The following UQCRC2 variants were observed in gnomAD, a reference collection of about 807,000 sequenced individuals.
UQCRC2 encodes ubiquinol-cytochrome c reductase core protein 2.
UQCRC2 carries 49 observed loss-of-function variants against 55.6 expected under a neutral mutation model. The ratio of observed to expected loss-of-function variants is 0.88; its 90% CI spans 0.70 to 1.12. The LOEUF is 1.12. Among genes scored for constraint, UQCRC2 ranks in the 50% most tolerant of loss-of-function variants. UQCRC2 has a pLI of 0.00. For synonymous variants in UQCRC2, 193 were observed against 192.0 expected (o/e 1.01, Z -0.04); for missense variants, 506 against 547.8 (o/e 0.92, Z 0.76).
In UQCRC2 at chr16:21,965,353, ATGT is replaced by A. The variant is rs1460505589; in HGVS notation, c.515-51_515-49del. 3.1e-5 allele frequency: 48 copies of A among 1,552,760 alleles called. No individual in the cohort carries two copies. The East Asian group carries it at 1.1e-3, about 34-fold the overall frequency. ...GCTTGTTGCTTTCTAGGTTTTAAAA[ATGT>A]TGTCTTTACTGAAAGTGCATTTCCC... On this transcript the variant is annotated intron_variant, in intron 6 of 13. Transcript: ENST00000268379.
intron 4 of UQCRC2, chr16:21,959,422 T>C: frequency 9.6e-6 from 2 of 207,680 alleles, no homozygotes; most frequent in South Asian, 6.8e-5. Context: ...TCTCCTCATC[T>C]GTTCAAGCTT....
chr16:21,961,896 G>A lies in UQCRC2; in HGVS notation c.333-564G>A, dbSNP rs564772892. ...TCAAACTCCTGACCTCAAGTGATCC[G>A]CCCACCTCGGCCTCCCAAAGTGCTG... On this transcript the variant is annotated intron_variant, in intron 4 of 13. Transcript: ENST00000268379. Among the ~76,000 whole-genome samples, 141 of 151,322 alleles carry A rather than the reference G, an allele frequency of 9.3e-4. 1 individual carries two copies. The highest frequency in any genetic ancestry group is 6.6e-5 in the Admixed American group (1 of 15,162).
chr16:21,967,956 G>A (rs1002553527), intron 7 of UQCRC2, among the ~76,000 whole-genome samples: 6 of 148,732 alleles, frequency 4.0e-5, no homozygotes, highest in Admixed American at 2.0e-4. Context: ...CATAGTCCAC[G>A]TTTTCAAGTT....
At chr16:21,983,034 G>C (rs973328890) in intron 13 of UQCRC2, 54 bp from the exon 14 acceptor site, 1 of 1,495,646 alleles carries the variant, frequency 6.7e-7, no homozygotes, top group Non-Finnish European at 9.2e-7. Flanking sequence ...TCGCCTGCTT[G>C]ATGATATATA....
chr16:21,974,359 CA>C (rs1898533418), intron 11 of UQCRC2, among the ~76,000 whole-genome samples: 1 of 152,082 alleles, frequency 6.6e-6, no homozygotes, highest in Admixed American at 6.6e-5. Context: ...AACTAAAGCT[CA>C]ATTTCTGGGA....
intron 7 of UQCRC2, among the ~76,000 whole-genome samples, chr16:21,966,758 T>C (rs1898338566): frequency 6.6e-6 from 1 of 152,198 alleles, no homozygotes; most frequent in Non-Finnish European, 1.5e-5. Flanking sequence ...AGAAATCAAA[T>C]TCACCCTCAT....
Position 21,980,559 on chromosome 16 carries a change from A to C in UQCRC2, c.1137A>C (p.Lys379Asn). 6.2e-7 allele frequency: 1 copy of C among 1,613,796 alleles called. No homozygotes were observed. The highest frequency in any genetic ancestry group is 8.5e-7 in the Non-Finnish European group (1 of 1,179,942). Reference protein sequence around the residue: ...TDVQAAKNKLKAGYLMSVESS... With the variant: ...TDVQAAKNKLNAGYLMSVESS... The stretch of plus-strand genomic sequence containing the variant: ...TTTTATTGGACAGGAACAAGCTGAA[A>C]GCTGGATACCTAATGTCAGTGGAGT... The change falls in exon 13 of 14, where the codon AAA (lysine) becomes AAC (asparagine). Residue 379 changes from lysine (K) to asparagine (N), a missense_variant. By Grantham distance (94) the Lys-to-Asn change is moderately conservative. Coordinates refer to ENST00000268379, the MANE Select transcript of UQCRC2 (RefSeq NM_003366.4).
chr16:21,969,709 C>A (rs1161576928), intron 8 of UQCRC2, among the ~76,000 whole-genome samples: 1 of 151,932 alleles, frequency 6.6e-6, no homozygotes. Flanking sequence ...TAAAATTCAC[C>A]CTTTTGAAGT....
intron 3 of UQCRC2, among the ~76,000 whole-genome samples, chr16:21,958,088 TG>T (rs987797608): frequency 2.0e-5 from 3 of 152,080 alleles, no homozygotes; most frequent in African/African-American, 4.8e-5. Flanking sequence ...GACATAAATT[TG>T]GGGGGGAACA....
intron 1 of UQCRC2, among the ~76,000 whole-genome samples, chr16:21,956,548 A>C (rs1898089952): frequency 6.6e-6 from 1 of 152,162 alleles, no homozygotes; most frequent in South Asian, 2.1e-4. Context: ...CAACTCAACA[A>C]AAAAGGTTGT....
intron 9 of UQCRC2, 45 bp from the exon 10 acceptor site, chr16:21,971,878 G>A (rs1898470855): frequency 6.2e-7 from 1 of 1,608,446 alleles, no homozygotes; most frequent in African/African-American, 1.3e-5. Context: ...AACCAATGGT[G>A]AACAAGCCAT....
At chr16:21,973,244 A>C (rs1336201550) in intron 10 of UQCRC2, among the ~76,000 whole-genome samples, 1 of 152,228 alleles carries the variant, frequency 6.6e-6, no homozygotes, top group Non-Finnish European at 1.5e-5. Flanking sequence ...GGCTGCATCC[A>C]CAGGGACCTG....
At chr16:21,972,919 G>C (rs1408276102) in intron 10 of UQCRC2, among the ~76,000 whole-genome samples, 1 of 152,202 alleles carries the variant, frequency 6.6e-6, no homozygotes, top group Non-Finnish European at 1.5e-5. Context: ...GGCTAACACA[G>C]TGAAACCCTG....
chr16:21,970,369 T>C (rs973859110), intron 8 of UQCRC2, among the ~76,000 whole-genome samples: 1 of 152,226 alleles, frequency 6.6e-6, no homozygotes, highest in African/African-American at 2.4e-5. Flanking sequence ...ACTGCCAGAC[T>C]GTTTTCCAAA....
At chr16:21,962,677 A>G (rs1337308359) in intron 5 of UQCRC2, 84 bp from the exon 6 acceptor site, 4 of 1,601,044 alleles carry the variant, frequency 2.5e-6, no homozygotes, top group Non-Finnish European at 3.4e-6. Context: ...AAAGTTTCAC[A>G]TTGAGAGCAT....
intron 11 of UQCRC2, among the ~76,000 whole-genome samples, chr16:21,974,607 A>G (rs1240842724): frequency 6.6e-6 from 1 of 152,188 alleles, no homozygotes; most frequent in Non-Finnish European, 1.5e-5. Context: ...ATGTGTAGTG[A>G]TTAAGGAATG....
Position 21,965,425 on chromosome 16 carries a change from C to T in UQCRC2, c.532C>T (p.His178Tyr), listed in dbSNP as rs1898302266. ...NPQTHVIENL[H>Y]AAAYRNALAN... ...TCTCACAGATGTCATTGAAAATTTG[C>T]ATGCAGCAGCTTACCGGAATGCCTT... The change falls in exon 7 of 14, where the codon CAT becomes TAT. Residue 178 changes from histidine to tyrosine, a missense_variant. By Grantham distance (83) the His-to-Tyr change is moderately conservative. Coordinates refer to ENST00000268379, the MANE Select transcript of UQCRC2 (RefSeq NM_003366.4). 1 of 1,613,732 alleles carries T rather than the reference C, an allele frequency of 6.2e-7. No individual in the cohort carries two copies. Among genetic ancestry groups the T allele is most frequent in the Non-Finnish European group, 8.5e-7 (1 of 1,179,886 alleles).
intron 12 of UQCRC2, among the ~76,000 whole-genome samples, chr16:21,979,977 T>C (rs1422738309): frequency 1.3e-5 from 2 of 152,234 alleles, no homozygotes; most frequent in Non-Finnish European, 2.9e-5. Flanking sequence ...AATGGGCTTA[T>C]GTTAGAAGAC....
rs1426368403 is a variant in UQCRC2 at position 21,961,361 on chromosome 16, G to A, written c.333-1099G>A. Reference sequence around the variant, plus strand: ...GTAAAGTATGACAGAGTCATGATGAGACCACTATACAGCCATTACGGAATG... The same window carrying A: ...GTAAAGTATGACAGAGTCATGATGAAACCACTATACAGCCATTACGGAATG... On this transcript the variant is annotated intron_variant, in intron 4 of 13. Transcript: ENST00000268379. The A allele has an allele frequency of 1.1e-4, 49 of 444,302 alleles. 1 individual carries two copies. The Admixed American group carries it at 1.2e-3, about 11-fold the overall frequency. 27.5% of individuals were successfully genotyped at this position (444,302 alleles called of 1,614,324 possible). A position where few individuals can be genotyped will look rare whatever the true frequency, so the allele number is the denominator to read the frequency against.
Sources: gnomAD v4.1 joint callset for allele counts (sites outside exome capture counted in the v4.1 genomes callset) on GRCh38, gnomAD v4.1.1 for gene constraint, MANE v1.5 for transcripts, NCBI Gene and HGNC (gene_info 2026-07-23, HGNC 2026-07-21) for gene names.